WNT7B: variants seen among roughly 807,000 people sequenced by gnomAD.
WNT7B encodes Wnt family member 7B.
WNT7B carries 19 observed loss-of-function variants against 38.2 expected under a neutral mutation model. The observed-to-expected ratio is 0.50, with a 90% confidence interval of 0.35 to 0.73. WNT7B has a LOEUF of 0.73. Ranked by LOEUF, WNT7B falls within the 30% of genes least tolerant of loss-of-function variation. The probability of loss-of-function intolerance (pLI) is 0.01; values close to 1 mark genes in which losing one functional copy is unlikely to be tolerated. For missense variants in WNT7B, 423 were observed against 507.9 expected (o/e 0.83, Z 1.61); for synonymous variants, 243 against 209.3 (o/e 1.16, Z -1.39).
At chr22:45,973,371 A>G (rs543161471) in intron 1 of WNT7B, among the ~76,000 whole-genome samples, 54 of 152,348 alleles carry the variant, frequency 3.5e-4, no homozygotes, top group African/African-American at 1.2e-3. Context: ...ATGGCAAGAC[A>G]AGGGAAGGCT....
At chr22:45,926,957 A>G in intron 3 of WNT7B, 1 of 985,438 alleles carries the variant, frequency 1.0e-6, no homozygotes, top group Non-Finnish European at 1.2e-6. Context: ...AAGACGTGGG[A>G]CATGGCCAGC....
chr22:45,972,016 C>T (rs1385219530), intron 1 of WNT7B: 2 of 452,400 alleles, frequency 4.4e-6, no homozygotes, highest in Non-Finnish European at 7.8e-6. Flanking sequence ...GACCTAAAGT[C>T]CCCCGGCTCC....
At chr22:45,935,483 C>T (rs749664629) in intron 2 of WNT7B, among the ~76,000 whole-genome samples, 3 of 152,198 alleles carry the variant, frequency 2.0e-5, no homozygotes, top group Non-Finnish European at 2.9e-5. Context: ...CCCCTCCCTT[C>T]CTGGAATACC....
chr22:45,955,959 G>T (rs115204025), intron 1 of WNT7B, among the ~76,000 whole-genome samples: 1 of 152,276 alleles, frequency 6.6e-6, no homozygotes, highest in South Asian at 2.1e-4. Flanking sequence ...GTAGCGGGAC[G>T]ACCTTGGTCT....
rs1375733339 is a variant in WNT7B, at chr22:45,923,299, G to C, written c.607C>G (p.His203Asp). Reference protein sequence around the residue: ...EDRMQLECKCHGVSGSCTTKT... With the variant: ...EDRMQLECKCDGVSGSCTTKT... ...GTGGTGCAGGAGCCAGACACGCCGTGGCACTTGCACTCCAGCTGCATCCGG... is the reference window on the plus strand; with the variant it reads ...GTGGTGCAGGAGCCAGACACGCCGTCGCACTTGCACTCCAGCTGCATCCGG... Residue 203 changes from histidine (H) to aspartate (D), a missense_variant, in exon 4 of 4, where the codon CAC (histidine) becomes GAC (aspartate). Physicochemically the swap from His to Asp is moderately conservative, Grantham distance 81. Coordinates refer to ENST00000339464, the MANE Select transcript of WNT7B (RefSeq NM_058238.3). The C allele has an allele frequency of 6.2e-7, 1 of 1,611,908 alleles. No homozygotes were observed. Among genetic ancestry groups the C allele is most frequent in the Non-Finnish European group, 8.5e-7 (1 of 1,178,928 alleles).
At chr22:45,964,947 GGACCA>G (rs1932279501) in intron 1 of WNT7B, among the ~76,000 whole-genome samples, 1 of 152,162 alleles carries the variant, frequency 6.6e-6, no homozygotes, top group African/African-American at 2.4e-5. Context: ...CTGGTGGGCA[GGACCA>G]GCCTCCTCCA....
intron 3 of WNT7B, among the ~76,000 whole-genome samples, chr22:45,928,675 A>G (rs745972050): frequency 8.0e-4 from 114 of 141,914 alleles, no homozygotes; most frequent in Non-Finnish European, 1.2e-3. Context: ...GTGAGTCACC[A>G]GACACCTCCA....
chr22:45,945,989 G>C (rs1931784727), intron 2 of WNT7B, among the ~76,000 whole-genome samples: 2 of 152,240 alleles, frequency 1.3e-5, no homozygotes, highest in Admixed American at 6.5e-5. Context: ...GCAGCTCAAG[G>C]GTGGGGCTAG....
In WNT7B at chr22:45,976,601, A is replaced by G; in HGVS notation, c.71+83T>C. 1.4e-6 allele frequency: 2 copies of G among 1,446,948 alleles called. No homozygotes were observed. The highest frequency in any genetic ancestry group is 9.5e-7 in the Non-Finnish European group (1 of 1,054,542). The allele number at this position is 1,446,948 out of a possible 1,614,324, so 89.6% of individuals were successfully genotyped here. On this transcript the variant is annotated intron_variant, in intron 1 of 3. Coordinates refer to ENST00000339464, the MANE Select transcript of WNT7B (RefSeq NM_058238.3). This position sits in a 1 kb window ranked among gnomAD's most constrained non-coding sequence, Gnocchi z 8.5. ...GCTGCAGTGGCCCCCTCCAGTCCCCACGTCCCCACGGGGACGCCCCGGAGG... is the reference window on the plus strand; with the variant it reads ...GCTGCAGTGGCCCCCTCCAGTCCCCGCGTCCCCACGGGGACGCCCCGGAGG...
Position 45,922,701 on chromosome 22 carries a change from G to A in WNT7B, c.*155C>T, listed in dbSNP as rs539002731. 6.8e-5 allele frequency: 85 copies of A among 1,243,920 alleles called. No individual in the cohort carries two copies. In the East Asian group the frequency reaches 1.1e-3, roughly 17 times the overall value. The allele number at this position is 1,243,920 out of a possible 1,614,324, so 77.1% of individuals were successfully genotyped here. ...AGCCCCAGGGAGGCGGGCAGAGGGC[G>A]TGGGCCCCGGCCGGTGCCCTCCTGC... On this transcript the variant is annotated 3_prime_UTR_variant, in exon 4 of 4. Transcript: ENST00000339464.
intron 2 of WNT7B, among the ~76,000 whole-genome samples, chr22:45,938,981 A>C (rs945494292): frequency 6.6e-6 from 1 of 152,270 alleles, no homozygotes; most frequent in Non-Finnish European, 1.5e-5. Flanking sequence ...GAAGGTATAA[A>C]AACATCCAAT....
At chr22:45,946,782 G>A (rs1931807258) in intron 2 of WNT7B, among the ~76,000 whole-genome samples, 1 of 152,196 alleles carries the variant, frequency 6.6e-6, no homozygotes, top group African/African-American at 2.4e-5. Context: ...CATCCCCAGA[G>A]GCATACAAGC....
intron 2 of WNT7B, among the ~76,000 whole-genome samples, chr22:45,934,595 G>T (rs1931465196): frequency 6.6e-6 from 1 of 152,186 alleles, no homozygotes; most frequent in Non-Finnish European, 1.5e-5. Context: ...GCGGGTCAGG[G>T]GATGCCACTG....
intron 2 of WNT7B, among the ~76,000 whole-genome samples, chr22:45,933,087 C>T (rs143367779): frequency 1.3e-5 from 2 of 152,302 alleles, no homozygotes; most frequent in Non-Finnish European, 2.9e-5. Context: ...TCCCTCTTCC[C>T]CTAGGGTATC....
At chr22:45,927,288 A>T in intron 3 of WNT7B, 1 of 985,304 alleles carries the variant, frequency 1.0e-6, no homozygotes. Flanking sequence ...GCAGCCCATT[A>T]AAGGTCACCC....
chr22:45,922,931 G>A lies in WNT7B; in HGVS notation c.975C>T (p.Asn325=). 1 of 1,613,016 alleles carries A rather than the reference G, an allele frequency of 6.2e-7. No homozygotes were observed. The highest frequency in any genetic ancestry group is 8.5e-7 in the Non-Finnish European group (1 of 1,179,514). The change falls in exon 4 of 4, where the codon AAC becomes AAT. Residue 325 remains asparagine (N), a synonymous_variant. Coordinates refer to ENST00000339464, the MANE Select transcript of WNT7B (RefSeq NM_058238.3). ...THQYTKVWQC[N]CKFHWCCFVK... Reference sequence around the variant, plus strand: ...CGAAGCAGCACCAGTGGAATTTGCAGTTGCACTGCCACACCTTGGTGTACT... The same window carrying A: ...CGAAGCAGCACCAGTGGAATTTGCAATTGCACTGCCACACCTTGGTGTACT...
At chr22:45,942,510 A>G (rs1226726877) in intron 2 of WNT7B, among the ~76,000 whole-genome samples, 2 of 152,230 alleles carry the variant, frequency 1.3e-5, no homozygotes, top group Non-Finnish European at 2.9e-5. Context: ...CTTGGCCCCA[A>G]TCCCTGCTTG....
At chr22:45,929,905 TA>T (rs1569111565) in intron 3 of WNT7B, among the ~76,000 whole-genome samples, 1 of 74,902 alleles carries the variant, frequency 1.3e-5, no homozygotes, top group Non-Finnish European at 2.7e-5. Flanking sequence ...CTCATCTATC[TA>T]CCCATCCATC....
intron 2 of WNT7B, among the ~76,000 whole-genome samples, chr22:45,947,165 C>G (rs1291841625): frequency 6.6e-6 from 1 of 152,218 alleles, no homozygotes; most frequent in Non-Finnish European, 1.5e-5. Context: ...AGAGAGGAGT[C>G]AGATACGCCC....
Sources: gnomAD v4.1 joint callset for allele counts (sites outside exome capture counted in the v4.1 genomes callset) on GRCh38, gnomAD v4.1.1 for gene constraint, Gnocchi (gnomAD v3.1) non-coding constraint, MANE v1.5 for transcripts, NCBI Gene and HGNC (gene_info 2026-07-23, HGNC 2026-07-21) for gene names.